BRD1: variants seen among roughly 807,000 people sequenced by gnomAD.
The protein encoded by BRD1 is bromodomain-containing protein 1.
A neutral mutation model predicts 107.7 loss-of-function variants in BRD1; 24 were observed. The ratio of observed to expected loss-of-function variants is 0.22; its 90% CI spans 0.16 to 0.31. BRD1 has a LOEUF of 0.31. BRD1 is among the 10% of genes least tolerant of loss of function. The probability of loss-of-function intolerance (pLI) is 1.00; values close to 1 mark genes in which losing one functional copy is unlikely to be tolerated. For missense variants in BRD1, 1,279 were observed against 1,638.6 expected, an observed-to-expected ratio of 0.78 and a Z score of 3.79; for synonymous variants, 744 against 686.1, an observed-to-expected ratio of 1.08 and a Z score of -1.32.
chr22:49,798,477 A>ATC, intron 5 of BRD1, 81 bp downstream of exon 5: 2 of 1,608,154 alleles, frequency 1.2e-6, no homozygotes. Flanking sequence ...ACTCTAGCCA[A>ATC]TCACACGTTT....
At chr22:49,793,766 G>A (rs2059477540) in intron 7 of BRD1, among the ~76,000 whole-genome samples, 1 of 152,200 alleles carries the variant, frequency 6.6e-6, no homozygotes, top group African/African-American at 2.4e-5. Flanking sequence ...CCAAGTTAAA[G>A]AGAAAAATTT....
chr22:49,801,378 G>T (rs189982371), intron 3 of BRD1, among the ~76,000 whole-genome samples: 3 of 152,166 alleles, frequency 2.0e-5, no homozygotes, highest in Non-Finnish European at 4.4e-5. Flanking sequence ...AAGAGACCCC[G>T]TCCAGTTCAT....
At chr22:49,795,146 A>G (rs769761825) in intron 6 of BRD1, among the ~76,000 whole-genome samples, 3 of 152,274 alleles carry the variant, frequency 2.0e-5, no homozygotes, top group Non-Finnish European at 4.4e-5. Flanking sequence ...ACTCGTATCC[A>G]TAACATCACT....
chr22:49,821,067 A>G (rs1263079314), intron 2 of BRD1: 1 of 152,386 alleles, frequency 6.6e-6, no homozygotes, highest in African/African-American at 2.4e-5. Flanking sequence ...ATGCTTTCAA[A>G]TATTTAGGTC....
intron 6 of BRD1, among the ~76,000 whole-genome samples, chr22:49,797,137 A>G (rs1165960864): frequency 1.2e-4 from 18 of 152,348 alleles, no homozygotes; most frequent in Non-Finnish European, 2.9e-5. Context: ...TGCAGGGGAC[A>G]GCCCCGGTTT....
At chr22:49,811,735 G>A (rs1331082066) in intron 2 of BRD1, among the ~76,000 whole-genome samples, 4 of 152,212 alleles carry the variant, frequency 2.6e-5, no homozygotes, top group African/African-American at 9.6e-5. Context: ...CAAAACCACA[G>A]GTAAGGGGAG....
chr22:49,795,437 C>CA (rs1569107633), intron 6 of BRD1, among the ~76,000 whole-genome samples: 1 of 152,108 alleles, frequency 6.6e-6, no homozygotes. Flanking sequence ...TTCTCCTTAG[C>CA]AAAAAAACCC....
At chr22:49,794,657 C>T (rs1192378547) in intron 6 of BRD1, among the ~76,000 whole-genome samples, 5 of 152,338 alleles carry the variant, frequency 3.3e-5, no homozygotes, top group African/African-American at 7.2e-5. Context: ...CAGAGAGAGG[C>T]GCACGCTCCA....
chr22:49,774,173 T>G lies in BRD1; in HGVS notation c.*60A>C. Reference sequence around the variant, plus strand: ...TCAGAATAAGTTAAGTTTTGAACAATATACAAACATGTACAGCTTATCAAC... The same window carrying G: ...TCAGAATAAGTTAAGTTTTGAACAAGATACAAACATGTACAGCTTATCAAC... On this transcript the variant is annotated 3_prime_UTR_variant, in exon 13 of 13. Coordinates refer to ENST00000404760, the MANE Select transcript of BRD1 (RefSeq NM_001304808.3). 6.7e-7 allele frequency: 1 copy of G among 1,503,306 alleles called. No individual in the cohort carries two copies. The highest frequency in any genetic ancestry group is 8.9e-7 in the Non-Finnish European group (1 of 1,120,954). 93.1% of individuals were successfully genotyped at this position (1,503,306 alleles called of 1,614,324 possible).
Position 49,777,104 on chromosome 22 carries a change from C to T in BRD1, c.3051G>A (p.Leu1017=), listed in dbSNP as rs1447600186. 6.2e-7 allele frequency: 1 copy of T among 1,613,266 alleles called. No individual in the cohort carries two copies. The highest frequency in any genetic ancestry group is 1.7e-5 in the Admixed American group (1 of 60,018). Residue 1017 remains leucine (L), a synonymous_variant, in exon 10 of 13, where the codon CTG becomes CTA. Transcript: ENST00000404760. ...GKPALVRRHT[L]EDRSELISCI... ...AGGAGATCAGCTCACTGCGGTCCTC[C>T]AGCGTGTGCCGTCGCACAAGAGCCG...
intron 2 of BRD1, among the ~76,000 whole-genome samples, chr22:49,814,397 G>T (rs116823276): frequency 6.6e-6 from 1 of 152,126 alleles, no homozygotes; most frequent in African/African-American, 2.4e-5. Flanking sequence ...GAGACCAGCC[G>T]GCCAGAGCCC....
chr22:49,781,046 A>C (rs2059197302), intron 8 of BRD1, among the ~76,000 whole-genome samples: 1 of 152,198 alleles, frequency 6.6e-6, no homozygotes, highest in Non-Finnish European at 1.5e-5. Context: ...GACTGTGAGA[A>C]ATACGTTAAA....
chr22:49,798,967 G>T (rs752854827), intron 4 of BRD1, 21 bp downstream of exon 4: 2 of 1,588,956 alleles, frequency 1.3e-6, no homozygotes. Context: ...TGCACTCCAC[G>T]CGGGACAGGC....
chr22:49,777,596 A>G (rs1456670871), intron 9 of BRD1, 82 bp downstream of exon 9: 4 of 1,533,592 alleles, frequency 2.6e-6, no homozygotes, highest in Non-Finnish European at 1.8e-6. Flanking sequence ...GGGAGCTGGA[A>G]TGTCCCGGCT....
In BRD1 at chr22:49,775,761, C is replaced by A. The variant is rs372949725; in HGVS notation, c.3232-16G>T. 3 of 1,584,188 alleles carry A rather than the reference C, an allele frequency of 1.9e-6. No individual in the cohort carries two copies. Among genetic ancestry groups the A allele is most frequent in the African/African-American group, 1.5e-5 (1 of 66,744 alleles). On this transcript the variant is annotated splice_polypyrimidine_tract_variant and intron_variant, in intron 11 of 12. Coordinates refer to ENST00000404760, the MANE Select transcript of BRD1 (RefSeq NM_001304808.3). ...GGTCGATGATCTGCACGAGAAGGAC[C>A]CGCTGAGGTCATTGTGAGGCTCACA... is the stretch of plus-strand genomic sequence containing the variant.
At chr22:49,774,488 C>G (rs2059041801) in intron 12 of BRD1, 72 bp from the exon 13 acceptor site, 3 of 1,491,324 alleles carry the variant, frequency 2.0e-6, no homozygotes. Flanking sequence ...ATGTAATCAT[C>G]TAACAAATTC....
At chr22:49,799,593 CG>C (rs917606168) in intron 3 of BRD1, among the ~76,000 whole-genome samples, 2 of 152,234 alleles carry the variant, frequency 1.3e-5, no homozygotes, top group African/African-American at 4.8e-5. Context: ...CAGAGCATGA[CG>C]GGGGCCTGGC....
In BRD1 at chr22:49,774,123, A is replaced by G. The variant is rs1485908277; in HGVS notation, c.*110T>C. On this transcript the variant is annotated 3_prime_UTR_variant, in exon 13 of 13. Coordinates refer to ENST00000404760, the MANE Select transcript of BRD1 (RefSeq NM_001304808.3). ...AAACCTCCCCCCTCCCCGGGGAAAA[A>G]GAATTAAAGAGCTATAACTAAAAAT... is the stretch of plus-strand genomic sequence containing the variant. 10 of 1,350,644 alleles carry G rather than the reference A, an allele frequency of 7.4e-6. No individual in the cohort carries two copies. The East Asian group carries it at 2.3e-4, about 31-fold the overall frequency. 83.7% of individuals were successfully genotyped at this position (1,350,644 alleles called of 1,614,324 possible). A position where few individuals can be genotyped will look rare whatever the true frequency, so the allele number is the denominator to read the frequency against.
At chr22:49,808,406 C>T (rs2059784915) in intron 2 of BRD1, among the ~76,000 whole-genome samples, 1 of 152,166 alleles carries the variant, frequency 6.6e-6, no homozygotes, top group African/African-American at 2.4e-5. Flanking sequence ...GTGCTCAGTG[C>T]AATAAGCCAG....
Sources: gnomAD v4.1 joint callset for allele counts (sites outside exome capture counted in the v4.1 genomes callset) on GRCh38, gnomAD v4.1.1 for gene constraint, MANE v1.5 for transcripts, NCBI Gene and HGNC (gene_info 2026-07-23, HGNC 2026-07-21) for gene names.